The following EFCAB5 variants were observed in gnomAD, a reference collection of about 807,000 sequenced individuals.
The protein encoded by EFCAB5 is EF-hand calcium-binding domain-containing protein 5.
Under a neutral mutation model 167.9 loss-of-function variants are expected in EFCAB5, and 131 were observed. That is an observed-to-expected ratio of 0.78 (90% confidence interval 0.68 to 0.90). EFCAB5 has a LOEUF of 0.90. Ranked by LOEUF, EFCAB5 falls within the 40% of genes least tolerant of loss-of-function variation. The pLI is 0.00. For synonymous variants in EFCAB5, 574 were observed against 602.8 expected (o/e 0.95, Z 0.70); for missense variants, 1,663 against 1,745.2 (o/e 0.95, Z 0.84).
chr17:30,090,709 G>A, intron 20 of EFCAB5, 35 bp downstream of exon 20: 7 of 1,573,874 alleles, frequency 4.4e-6, no homozygotes, highest in Non-Finnish European at 6.0e-6. Context: ...AAATTCACAG[G>A]TTTAATAGGT....
At chr17:29,941,138 T>C (rs1415249685), upstream of EFCAB5, among the ~76,000 whole-genome samples, 2 of 152,156 alleles carry the variant, frequency 1.3e-5, no homozygotes, top group Non-Finnish European at 2.9e-5. Flanking sequence ...GGAGGCAGAC[T>C]GTGTGAATAT....
intron 17 of EFCAB5, 87 bp downstream of exon 17, chr17:30,081,068 A>C (rs1163673506): frequency 1.9e-6 from 2 of 1,045,152 alleles, no homozygotes; most frequent in Non-Finnish European, 2.8e-6. Flanking sequence ...ATCCGATGAG[A>C]GTAAAGCTGT....
At chr17:30,068,485 G>C in intron 14 of EFCAB5, 1 of 493,300 alleles carries the variant, frequency 2.0e-6, no homozygotes, top group Admixed American at 3.8e-5. Flanking sequence ...GTTGATGAAA[G>C]AAAATGAAGA....
At chr17:29,943,541 G>T (rs770596894) in intron 2 of EFCAB5, 24 bp from the exon 3 acceptor site, 38 of 1,539,292 alleles carry the variant, frequency 2.5e-5, no homozygotes, top group Non-Finnish European at 3.3e-5. Flanking sequence ...ATTGAAATTG[G>T]TGATTTTTTT....
At chr17:29,942,433 T>A (rs2067313315) in intron 2 of EFCAB5, 131 bp downstream of exon 2, 1 of 741,258 alleles carries the variant, frequency 1.3e-6, no homozygotes, top group Non-Finnish European at 2.0e-6. Context: ...AAGGACAAAC[T>A]CATGTTGATT....
upstream of EFCAB5, among the ~76,000 whole-genome samples, chr17:29,938,865 A>G (rs548518133): frequency 6.6e-6 from 1 of 152,300 alleles, no homozygotes; most frequent in South Asian, 2.1e-4. Flanking sequence ...AAAGTCATCC[A>G]TGAGGGTTGG....
intron 14 of EFCAB5, among the ~76,000 whole-genome samples, chr17:30,075,583 C>T (rs899579588): frequency 6.6e-6 from 1 of 152,170 alleles, no homozygotes; most frequent in Admixed American, 6.5e-5. Context: ...TTAAACACCC[C>T]ATGTTGGGCA....
chr17:30,032,549 G>A (rs1318881789), intron 7 of EFCAB5, among the ~76,000 whole-genome samples: 3 of 152,074 alleles, frequency 2.0e-5, no homozygotes, highest in Non-Finnish European at 4.4e-5. Flanking sequence ...CAGGAGAAAG[G>A]AAACATTATT....
chr17:30,073,569 C>G, intron 14 of EFCAB5: 1 of 614,728 alleles, frequency 1.6e-6, no homozygotes, highest in Non-Finnish European at 3.0e-6. Flanking sequence ...ATACATTTCT[C>G]CCTAAATACC....
At chr17:30,088,103 C>T (rs144622061) in intron 19 of EFCAB5, among the ~76,000 whole-genome samples, 3 of 152,264 alleles carry the variant, frequency 2.0e-5, no homozygotes, top group African/African-American at 4.8e-5. Flanking sequence ...CTGCCTGGGA[C>T]ATATTTACTC....
chr17:29,986,929 G>C (rs1383745828), intron 4 of EFCAB5, among the ~76,000 whole-genome samples: 1 of 152,014 alleles, frequency 6.6e-6, no homozygotes, highest in Non-Finnish European at 1.5e-5. Flanking sequence ...TTACAGGCGT[G>C]AGCCACCGCG....
chr17:29,975,355 C>A (rs1190877899), intron 4 of EFCAB5, among the ~76,000 whole-genome samples: 1 of 151,906 alleles, frequency 6.6e-6, no homozygotes, highest in African/African-American at 2.4e-5. Context: ...CGCCTCCCGG[C>A]AGCGATTCTC....
intron 4 of EFCAB5, among the ~76,000 whole-genome samples, chr17:29,980,435 T>G (rs764439759): frequency 2.0e-5 from 3 of 152,244 alleles, no homozygotes; most frequent in Non-Finnish European, 4.4e-5. Context: ...TGTGCCAGGC[T>G]TTCTCTAATA....
chr17:30,096,934 C>T (rs936651796), intron 22 of EFCAB5, among the ~76,000 whole-genome samples: 2 of 149,076 alleles, frequency 1.3e-5, no homozygotes, highest in Non-Finnish European at 3.0e-5. Context: ...CCTGCCATGG[C>T]TCCCAAAGTG....
At chr17:29,951,400 C>T (rs887982133) in intron 3 of EFCAB5, among the ~76,000 whole-genome samples, 3 of 152,046 alleles carry the variant, frequency 2.0e-5, no homozygotes, top group South Asian at 2.1e-4. Context: ...TGCAGTGGGG[C>T]GATCTCCGCT....
At chr17:30,107,000 C>T (rs2071457888) in intron 22 of EFCAB5, among the ~76,000 whole-genome samples, 1 of 152,178 alleles carries the variant, frequency 6.6e-6, no homozygotes, top group African/African-American at 2.4e-5. Context: ...AGGCTCAGAG[C>T]AGTTAAGTGA....
Position 30,080,086 on chromosome 17 carries a change from T to C in EFCAB5, c.3042T>C (p.His1014=), listed in dbSNP as rs2070952340. Residue 1014 remains histidine, a synonymous_variant, in exon 16 of 23, where the codon CAT becomes CAC. Transcript: ENST00000394835. ...TTTTGCTGTAGGATGCTGAAGCCCA[T>C]GGAAATAAAAAGATCAGTGCTCACA... is the stretch of plus-strand genomic sequence containing the variant. ...FKALMQDAEA[H]GNKKISAHIS... 2 of 1,607,698 alleles carry C rather than the reference T, an allele frequency of 1.2e-6. No homozygotes were observed. Among genetic ancestry groups the C allele is most frequent in the African/African-American group, 2.7e-5 (2 of 74,574 alleles).
intron 5 of EFCAB5, among the ~76,000 whole-genome samples, chr17:29,995,318 G>T (rs1210641289): frequency 6.6e-6 from 1 of 152,206 alleles, no homozygotes; most frequent in Non-Finnish European, 1.5e-5. Context: ...AGATGTTATT[G>T]TTCTTTGGTC....
chr17:30,038,058 C>A (rs1487918349), intron 8 of EFCAB5, among the ~76,000 whole-genome samples: 1 of 152,082 alleles, frequency 6.6e-6, no homozygotes, highest in African/African-American at 2.4e-5. Context: ...AAAGCTGGGC[C>A]CCTTGCTCCA....
Sources: gnomAD v4.1 joint callset for allele counts (sites outside exome capture counted in the v4.1 genomes callset) on GRCh38, gnomAD v4.1.1 for gene constraint, MANE v1.5 for transcripts, NCBI Gene and HGNC (gene_info 2026-07-23, HGNC 2026-07-21) for gene names.